Variants in KIF21A observed in about 807,000 individuals in gnomAD.
The protein encoded by KIF21A is kinesin-like protein KIF21A.
In KIF21A, 114 loss-of-function variants were observed where a neutral mutation model predicts 202.9. The ratio of observed to expected loss-of-function variants is 0.56; its 90% CI spans 0.48 to 0.66. KIF21A has a LOEUF of 0.66. Among genes scored for constraint, KIF21A ranks in the 30% least tolerant of loss-of-function variants. KIF21A has a pLI of 0.00. For missense variants in KIF21A, 1,677 were observed against 1,994.9 expected (o/e 0.84, Z 3.04); for synonymous variants, 667 against 670.8 (o/e 0.99, Z 0.09).
intron 12 of KIF21A, among the ~76,000 whole-genome samples, chr12:39,345,639 C>T (rs1947829664): frequency 6.6e-6 from 1 of 151,736 alleles, no homozygotes; most frequent in Non-Finnish European, 1.5e-5. Flanking sequence ...TAAAGTAGGG[C>T]TTCCAAAATA....
Position 39,409,421 on chromosome 12 carries a change from G to A in KIF21A, c.44+33506C>T, listed in dbSNP as rs945647986. Among the ~76,000 whole-genome samples the A allele has an allele frequency of 3.3e-5, 5 of 151,144 alleles. No homozygotes were observed. The East Asian group carries it at 7.9e-4, about 24-fold the overall frequency. On this transcript the variant is annotated intron_variant, in intron 1 of 37. Coordinates refer to ENST00000361418, the MANE Select transcript of KIF21A (RefSeq NM_001173464.2). The stretch of plus-strand genomic sequence containing the variant: ...AAAGAAAAAAATAGCTACTCAGGAG[G>A]CTGAAGTGAGAGGATTGTTTGAGCC...
Position 39,356,822 on chromosome 12 carries a change from T to G in KIF21A, c.1469+10A>C. The G allele has an allele frequency of 1.8e-5, 20 of 1,109,900 alleles. No homozygotes were observed. Among genetic ancestry groups the G allele is most frequent in the Non-Finnish European group, 2.6e-5 (19 of 723,890 alleles). The allele number at this position is 1,109,900 out of a possible 1,614,324, so 68.8% of individuals were successfully genotyped here. ...CATGTGCATTATATGTTACAGAACA[T>G]GAACTATACCTGAGATCTTCGATTT... is the stretch of plus-strand genomic sequence containing the variant. On this transcript the variant is annotated intron_variant, in intron 10 of 37. Transcript: ENST00000361418.
Position 39,337,138 on chromosome 12 carries a change from G to A in KIF21A, c.2376C>T (p.Asn792=). The change falls in exon 17 of 38, where the codon AAC becomes AAT. Residue 792 remains asparagine (N), a synonymous_variant. Transcript: ENST00000361418. ...CCTTTTTCAACTGAGCAATCTCTCT[G>A]TTTCTTCTAGACTCAGTCAGTCTGG... The part of the protein sequence containing the change: ...EKARLTESRR[N]REIAQLKKDQ... 2 of 1,612,304 alleles carry A rather than the reference G, an allele frequency of 1.2e-6. No homozygotes were observed. The highest frequency in any genetic ancestry group is 2.2e-5 in the East Asian group (1 of 44,742).
intron 1 of KIF21A, among the ~76,000 whole-genome samples, chr12:39,387,572 G>A (rs1020754701): frequency 2.0e-5 from 3 of 152,250 alleles, no homozygotes; most frequent in Admixed American, 6.5e-5. Flanking sequence ...CTTTCCAAAT[G>A]GAGTATCTTT....
chr12:39,366,898 G>A, intron 5 of KIF21A, 132 bp downstream of exon 5: 1 of 910,770 alleles, frequency 1.1e-6, no homozygotes, highest in South Asian at 1.5e-5. Flanking sequence ...AACTTAACTA[G>A]GATCAGAAAA....
intron 24 of KIF21A, chr12:39,329,919 C>T (rs773874957): frequency 5.5e-5 from 13 of 235,852 alleles, no homozygotes; most frequent in African/African-American, 1.4e-4. Flanking sequence ...AAAATTTTAA[C>T]GGAACATAAA....
At chr12:39,393,225 G>A (rs1362361386) in intron 1 of KIF21A, among the ~76,000 whole-genome samples, 1 of 151,822 alleles carries the variant, frequency 6.6e-6, no homozygotes, top group Non-Finnish European at 1.5e-5. Context: ...ACCAGACTTG[G>A]TCTGACTAGA....
chr12:39,297,716 C>T (rs1370944958), intron 37 of KIF21A, among the ~76,000 whole-genome samples: 2 of 150,662 alleles, frequency 1.3e-5, no homozygotes, highest in East Asian at 2.0e-4. Flanking sequence ...TGCACATGTA[C>T]CCTAAAACTT....
At chr12:39,313,053 T>C (rs1944185771) in intron 31 of KIF21A, among the ~76,000 whole-genome samples, 1 of 151,894 alleles carries the variant, frequency 6.6e-6, no homozygotes, top group Admixed American at 6.6e-5. Flanking sequence ...AGGGCAGAAA[T>C]GATTAAGAAA....
intron 16 of KIF21A, among the ~76,000 whole-genome samples, chr12:39,338,018 GA>G (rs34696626): frequency 1.8e-3 from 276 of 151,210 alleles, no homozygotes; most frequent in African/African-American, 5.9e-3. Flanking sequence ...TTGGACTTAT[GA>G]AAAAAAAAGT....
At chr12:39,295,632 A>T (rs1942232974) in intron 37 of KIF21A, among the ~76,000 whole-genome samples, 1 of 151,240 alleles carries the variant, frequency 6.6e-6, no homozygotes, top group Non-Finnish European at 1.5e-5. Flanking sequence ...TATTCATTCA[A>T]CCATTTACTC....
intron 8 of KIF21A, 66 bp from the exon 9 acceptor site, chr12:39,357,503 A>G (rs2138847232): frequency 7.6e-7 from 1 of 1,312,842 alleles, no homozygotes; most frequent in African/African-American, 1.4e-5. Context: ...TTTGCTTAAG[A>G]ATACTCTATA....
Position 39,307,606 on chromosome 12 carries a change from A to G in KIF21A, c.4401T>C (p.Tyr1467=), listed in dbSNP as rs1450915123. 5 of 1,614,158 alleles carry G rather than the reference A, an allele frequency of 3.1e-6. No homozygotes were observed. Among genetic ancestry groups the G allele is most frequent in the Middle Eastern group, 1.7e-4 (1 of 6,058 alleles). Residue 1467 remains tyrosine (Y), a synonymous_variant, in exon 34 of 38, where the codon TAT becomes TAC. Coordinates refer to ENST00000361418, the MANE Select transcript of KIF21A (RefSeq NM_001173464.2). ...IALNPTGTFL[Y]AASGNAVRMW... ...TCCTGACAGCATTTCCAGAAGCAGC[A>G]TAGAGGAAGGTGCCAGTTGGGTTTA...
At chr12:39,373,672 T>C (rs1483764832) in intron 1 of KIF21A, among the ~76,000 whole-genome samples, 1 of 152,230 alleles carries the variant, frequency 6.6e-6, no homozygotes, top group Non-Finnish European at 1.5e-5. Context: ...TTTATTTGGC[T>C]ATTAAGATAC....
At chr12:39,433,573 T>C (rs1200406437) in intron 1 of KIF21A, among the ~76,000 whole-genome samples, 1 of 152,202 alleles carries the variant, frequency 6.6e-6, no homozygotes, top group Non-Finnish European at 1.5e-5. Context: ...TTCACATTTT[T>C]ACTATCCACT....
intron 1 of KIF21A, among the ~76,000 whole-genome samples, chr12:39,382,810 G>A (rs1364702549): frequency 6.6e-6 from 1 of 152,168 alleles, no homozygotes; most frequent in Non-Finnish European, 1.5e-5. Flanking sequence ...AAAACAGCAT[G>A]TGGAGTGAAC....
In KIF21A at chr12:39,419,169, A is replaced by C. The variant is rs148487193; in HGVS notation, c.44+23758T>G. Among the ~76,000 whole-genome samples the C allele has an allele frequency of 8.5e-5, 13 of 152,314 alleles. 1 individual carries two copies. The East Asian group carries it at 2.5e-3, about 29-fold the overall frequency. Reference sequence around the variant, plus strand: ...GTACTGGCTCTCTTCTGAAAACTCCACTTACAGGAGTACTCTGTTGACAAG... The same window carrying C: ...GTACTGGCTCTCTTCTGAAAACTCCCCTTACAGGAGTACTCTGTTGACAAG... On this transcript the variant is annotated intron_variant, in intron 1 of 37. Coordinates refer to ENST00000361418, the MANE Select transcript of KIF21A (RefSeq NM_001173464.2).
Position 39,318,173 on chromosome 12 carries a change from G to C in KIF21A, c.3808C>G (p.Leu1270Val). Residue 1270 changes from leucine (L) to valine (V), a missense_variant, in exon 29 of 38, where the codon CTT becomes GTT. Physicochemically the swap from Leu to Val is conservative, Grantham distance 32. Transcript: ENST00000361418. ...HSDSGTSEAS[L>V]SPPSSPPSRP... Reference sequence around the variant, plus strand: ...CTTGGTGGGGAAGAAGGAGGTGAAAGACTAGCCTCTGAAGTTCCAGAATCT... The same window carrying C: ...CTTGGTGGGGAAGAAGGAGGTGAAACACTAGCCTCTGAAGTTCCAGAATCT... The C allele has an allele frequency of 6.2e-7, 1 of 1,613,454 alleles. No individual in the cohort carries two copies. The highest frequency in any genetic ancestry group is 8.5e-7 in the Non-Finnish European group (1 of 1,179,520).
chr12:39,401,948 C>A (rs972008042), intron 1 of KIF21A, among the ~76,000 whole-genome samples: 1 of 152,130 alleles, frequency 6.6e-6, no homozygotes, highest in Non-Finnish European at 1.5e-5. Flanking sequence ...TTACAAGTTG[C>A]AAATATGCAG....
Sources: allele counts gnomAD v4.1 joint callset (sites outside exome capture counted in the v4.1 genomes callset), GRCh38; gene constraint gnomAD v4.1.1; transcripts MANE v1.5; gene names NCBI Gene and HGNC (gene_info 2026-07-23, HGNC 2026-07-21).